The following DHRSX variants were observed in gnomAD, a reference collection of about 807,000 sequenced individuals.
The protein encoded by DHRSX is dehydrogenase/reductase X-linked, also known as polyprenol dehydrogenase.
DHRSX carries 31 observed loss-of-function variants against 34.0 expected under a neutral mutation model. The observed-to-expected ratio is 0.91, with a 90% confidence interval of 0.69 to 1.23. The LOEUF is 1.23. Ranked by LOEUF, DHRSX falls within the 50% of genes most tolerant of loss-of-function variation. The pLI is 0.00. For synonymous variants in DHRSX, 201 were observed against 183.8 expected, an observed-to-expected ratio of 1.09 and a Z score of -0.76; for missense variants, 414 against 428.1, an observed-to-expected ratio of 0.97 and a Z score of 0.29.
intron 3 of DHRSX, among the ~76,000 whole-genome samples, chrX:2,393,463 ACAGGGACCTCCCCATCTCCT>A (rs2043360893): frequency 7.0e-6 from 1 of 143,116 alleles, no homozygotes; most frequent in Non-Finnish European, 1.5e-5. Context: ...CACATGACAC[ACAGGGACCTCCCCATCTCCT>A]GCACACACAT....
intron 5 of DHRSX, among the ~76,000 whole-genome samples, chrX:2,247,655 C>CAAAAAAAA (rs752111695): frequency 1.0e-5 from 1 of 96,944 alleles, no homozygotes; most frequent in African/African-American, 3.8e-5. Flanking sequence ...CTCCGTCTCA[C>CAAAAAAAA]AAAAAAAAAA....
At chrX:2,309,174 A>G (rs1403101991) in intron 3 of DHRSX, among the ~76,000 whole-genome samples, 3 of 152,182 alleles carry the variant, frequency 2.0e-5, no homozygotes, top group Non-Finnish European at 4.4e-5. Flanking sequence ...AAGAATAATG[A>G]AAGAATGGCA....
chrX:2,470,032 A>AT (rs1454623721), intron 1 of DHRSX, among the ~76,000 whole-genome samples: 9 of 151,908 alleles, frequency 5.9e-5, no homozygotes. Flanking sequence ...CATCAAGCAA[A>AT]TGTGGCATAG....
intron 3 of DHRSX, among the ~76,000 whole-genome samples, chrX:2,307,691 G>A (rs1386320847): frequency 1.3e-5 from 2 of 151,492 alleles, no homozygotes; most frequent in Non-Finnish European, 2.9e-5. Flanking sequence ...CATGAACCTG[G>A]GAGGCGGAGC....
At chrX:2,295,498 A>C (rs2041921289) in intron 3 of DHRSX, among the ~76,000 whole-genome samples, 1 of 152,210 alleles carries the variant, frequency 6.6e-6, no homozygotes, top group African/African-American at 2.4e-5. Context: ...TGGGTGCAGC[A>C]AACCACCATG....
chrX:2,395,538 G>A (rs1260945788), intron 3 of DHRSX, among the ~76,000 whole-genome samples: 1 of 152,146 alleles, frequency 6.6e-6, no homozygotes, highest in Non-Finnish European at 1.5e-5. Context: ...TTGGAAACAT[G>A]TAGCGCCTCC....
At chrX:2,240,966 G>A (rs965626842) in intron 6 of DHRSX, among the ~76,000 whole-genome samples, 1 of 152,056 alleles carries the variant, frequency 6.6e-6, no homozygotes, top group African/African-American at 2.4e-5. Context: ...GATTACTTGA[G>A]GTAGGTCAGG....
chrX:2,323,352 G>A (rs1385952135), intron 3 of DHRSX, among the ~76,000 whole-genome samples: 2 of 152,182 alleles, frequency 1.3e-5, no homozygotes, highest in East Asian at 3.9e-4. Flanking sequence ...ACACGTGAGG[G>A]AAGAGTGGGT....
At chrX:2,299,887 G>T (rs984422568) in intron 3 of DHRSX, among the ~76,000 whole-genome samples, 1 of 151,584 alleles carries the variant, frequency 6.6e-6, no homozygotes, top group Non-Finnish European at 1.5e-5. Context: ...ATCCACAGAA[G>T]AATTTCTAAC....
In DHRSX at chrX:2,488,770, G is replaced by A. The variant is rs781584629; in HGVS notation, c.109+12047C>T. 101 of 1,613,958 alleles carry A rather than the reference G, an allele frequency of 6.3e-5. No homozygotes were observed. The East Asian group carries it at 1.4e-3, about 22-fold the overall frequency. On this transcript the variant is annotated intron_variant, in intron 1 of 6. Coordinates refer to ENST00000334651, the MANE Select transcript of DHRSX (RefSeq NM_145177.3). ...GTTCCGCCTCTGCCCCACTCCGGGC[G>A]TTCTCATACAGAAACACCTGCTCGT... is the stretch of plus-strand genomic sequence containing the variant.
chrX:2,387,987 C>T (rs768931283), intron 3 of DHRSX, among the ~76,000 whole-genome samples: 76 of 149,216 alleles, frequency 5.1e-4, no homozygotes, highest in African/African-American at 1.8e-3. Context: ...GCATGGGGTA[C>T]AGGAGCCTGG....
chrX:2,443,671 C>A (rs61148409), intron 1 of DHRSX, among the ~76,000 whole-genome samples: 9,238 of 152,084 alleles, frequency 0.061, 384 homozygotes, highest in African/African-American at 0.12. Flanking sequence ...TTCTTTCCAA[C>A]AGTGAGAATA....
Position 2,272,266 on chromosome X carries a change from G to C in DHRSX, c.389-5319C>G, listed in dbSNP as rs1315481715. On this transcript the variant is annotated intron_variant, in intron 4 of 6. Coordinates refer to ENST00000334651, the MANE Select transcript of DHRSX (RefSeq NM_145177.3). Reference sequence around the variant, plus strand: ...ATTTTCCTCATATTTTATTTGATGTGAAGAATCTGGAGACACACAGCTCAA... The same window carrying C: ...ATTTTCCTCATATTTTATTTGATGTCAAGAATCTGGAGACACACAGCTCAA... Among the ~76,000 whole-genome samples the C allele has an allele frequency of 2.6e-5, 4 of 152,106 alleles. No individual in the cohort carries two copies. In the South Asian group the frequency reaches 6.2e-4, roughly 24 times the overall value.
At chrX:2,480,057 C>G (rs1331395262) in intron 1 of DHRSX, among the ~76,000 whole-genome samples, 2 of 146,976 alleles carry the variant, frequency 1.4e-5, no homozygotes, top group African/African-American at 5.3e-5. Context: ...CAATGGGATA[C>G]CTGCACCCCC....
chrX:2,313,192 C>T (rs1345747214), intron 3 of DHRSX, among the ~76,000 whole-genome samples: 6 of 151,018 alleles, frequency 4.0e-5, no homozygotes, highest in Non-Finnish European at 8.9e-5. Flanking sequence ...TTAGTCAAGA[C>T]GGGGTTTCAC....
chrX:2,474,929 C>A (rs2044653792), intron 1 of DHRSX, among the ~76,000 whole-genome samples: 1 of 151,600 alleles, frequency 6.6e-6, no homozygotes, highest in Non-Finnish European at 1.5e-5. Context: ...AAGACGTTCC[C>A]TAAAAATGCA....
chrX:2,234,899 C>T (rs373960316), intron 6 of DHRSX, among the ~76,000 whole-genome samples: 7 of 151,978 alleles, frequency 4.6e-5, no homozygotes, highest in African/African-American at 1.5e-4. Context: ...TTAGTAGAGA[C>T]GGGGTTTCAC....
chrX:2,442,768 C>T (rs1390667815), intron 1 of DHRSX, among the ~76,000 whole-genome samples: 4 of 152,082 alleles, frequency 2.6e-5, no homozygotes, highest in Non-Finnish European at 4.4e-5. Context: ...TTAACTGCCA[C>T]GTAGAAGCTC....
At chrX:2,499,706 A>T (rs2045366656) in intron 1 of DHRSX, among the ~76,000 whole-genome samples, 1 of 152,164 alleles carries the variant, frequency 6.6e-6, no homozygotes, top group Non-Finnish European at 1.5e-5. Flanking sequence ...CATGAGTTTC[A>T]GACCAGCCTG....
Sources: gnomAD v4.1 joint callset for allele counts (sites outside exome capture counted in the v4.1 genomes callset) on GRCh38, gnomAD v4.1.1 for gene constraint, MANE v1.5 for transcripts, NCBI Gene and HGNC (gene_info 2026-07-23, HGNC 2026-07-21) for gene names.